TENM4: variants seen among roughly 807,000 people sequenced by gnomAD.
TENM4 encodes teneurin-4.
Under a neutral mutation model 243.3 loss-of-function variants are expected in TENM4, and 82 were observed. That is an observed-to-expected ratio of 0.34 (90% CI 0.28 to 0.40). The LOEUF (loss-of-function observed/expected upper bound fraction) is 0.40, where lower values mean the gene tolerates loss of function less well. Among genes scored for constraint, TENM4 ranks in the 10% least tolerant of loss-of-function variants. TENM4 has a pLI of 1.00. For missense variants in TENM4, 3,138 were observed against 3,673.3 expected, an observed-to-expected ratio of 0.85 and a Z score of 3.77; for synonymous variants, 1,412 against 1,456.3, an observed-to-expected ratio of 0.97 and a Z score of 0.69.
chr11:79,219,379 G>A (rs1383500516), intron 2 of TENM4, among the ~76,000 whole-genome samples: 2 of 152,194 alleles, frequency 1.3e-5, no homozygotes, highest in African/African-American at 4.8e-5. Flanking sequence ...GCAGAGATGT[G>A]ACATAATTGG....
intron 6 of TENM4, among the ~76,000 whole-genome samples, chr11:79,043,092 AG>A (rs1159012034): frequency 6.6e-6 from 1 of 152,220 alleles, no homozygotes; most frequent in African/African-American, 2.4e-5. Flanking sequence ...GGGATATTCC[AG>A]TAAATGGCTC....
intron 29 of TENM4, among the ~76,000 whole-genome samples, chr11:78,678,019 C>T (rs370745401): frequency 1.9e-4 from 16 of 84,700 alleles, no homozygotes; most frequent in East Asian, 1.7e-3. Context: ...TGAGAATATG[C>T]GGTGTTTGGT....
chr11:79,296,445 G>A (rs1301369655), intron 2 of TENM4, among the ~76,000 whole-genome samples: 2 of 152,142 alleles, frequency 1.3e-5, no homozygotes, highest in African/African-American at 4.8e-5. Flanking sequence ...AGCTTACTGC[G>A]AGCTCACAGC....
intron 3 of TENM4, among the ~76,000 whole-genome samples, chr11:79,214,712 T>C (rs1489929595): frequency 1.3e-5 from 2 of 152,182 alleles, no homozygotes; most frequent in South Asian, 2.1e-4. Context: ...TTCTGGCCAA[T>C]GGGTGGTGTG....
chr11:78,686,030 G>A (rs139793445), intron 29 of TENM4, among the ~76,000 whole-genome samples: 2,385 of 152,262 alleles, frequency 0.016, 62 homozygotes, highest in Admixed American at 0.051. Flanking sequence ...ACCTTCTCCT[G>A]CCCTCCTCTC....
chr11:78,726,340 T>A, intron 22 of TENM4, 118 bp from the exon 23 acceptor site: 1 of 1,261,338 alleles, frequency 7.9e-7, no homozygotes, highest in Non-Finnish European at 1.1e-6. Flanking sequence ...AGGGTCATAT[T>A]TCTAAGTGGC....
intron 2 of TENM4, among the ~76,000 whole-genome samples, chr11:79,291,760 G>A (rs1255430757): frequency 6.6e-6 from 1 of 152,172 alleles, no homozygotes; most frequent in Non-Finnish European, 1.5e-5. Flanking sequence ...CCAAAGACAA[G>A]TCCATGAAGG....
At chr11:79,138,440 T>C (rs1183767611) in intron 4 of TENM4, among the ~76,000 whole-genome samples, 1 of 113,874 alleles carries the variant, frequency 8.8e-6, no homozygotes, top group African/African-American at 3.7e-5. Context: ...TAAATATATA[T>C]TATATTTATA....
At position 78,712,523 on chromosome 11, in the gene TENM4, T is replaced by C. The variant is rs1299976423; in HGVS notation, c.4013A>G (p.Asp1338Gly). 1 of 1,613,842 alleles carries C rather than the reference T, an allele frequency of 6.2e-7. No homozygotes were observed. Among genetic ancestry groups the C allele is most frequent in the Non-Finnish European group, 8.5e-7 (1 of 1,179,880 alleles). Residue 1338 changes from aspartate to glycine, a missense_variant, in exon 26 of 34, where the codon GAT (aspartate) becomes GGT (glycine). Coordinates refer to ENST00000278550, the MANE Select transcript of TENM4 (RefSeq NM_001098816.3). The part of the protein sequence containing the change: ...CLPFDDTRCG[D>G]GGKATEATLT... ...TGTGGCTTCTGTGGCCTTCCCACCA[T>C]CCCCGCAGCGAGTGTCATCAAAGGG...
intron 10 of TENM4, among the ~76,000 whole-genome samples, chr11:78,862,512 C>T (rs1001489494): frequency 4.6e-5 from 7 of 152,128 alleles, no homozygotes; most frequent in Non-Finnish European, 5.9e-5. Context: ...TAGTAAATGA[C>T]AGACCACTTA....
chr11:79,306,541 G>A (rs546630091), intron 1 of TENM4, among the ~76,000 whole-genome samples: 19 of 152,278 alleles, frequency 1.2e-4, no homozygotes, highest in African/African-American at 3.4e-4. Flanking sequence ...GGCTGAGGTC[G>A]TGCTGGGAAG....
rs113106882 is a variant in TENM4, at chr11:79,064,408, T to C, written c.493+330A>G. On this transcript the variant is annotated intron_variant, in intron 6 of 33. Coordinates refer to ENST00000278550, the MANE Select transcript of TENM4 (RefSeq NM_001098816.3). Reference sequence around the variant, plus strand: ...TCAGGCAGGACCAGGCCTTGCTGATTTGATGGAGGATAAACTATGGGGAAT... The same window carrying C: ...TCAGGCAGGACCAGGCCTTGCTGATCTGATGGAGGATAAACTATGGGGAAT... Among the ~76,000 whole-genome samples, 604 of 152,226 alleles carry C rather than the reference T, an allele frequency of 4.0e-3. 5 individuals carry two copies. The highest frequency in any genetic ancestry group is 0.014 in the African/African-American group (582 of 41,520).
intron 2 of TENM4, among the ~76,000 whole-genome samples, chr11:79,228,515 T>C (rs898297860): frequency 6.6e-6 from 1 of 151,912 alleles, no homozygotes; most frequent in Non-Finnish European, 1.5e-5. Flanking sequence ...CACCTCGCCA[T>C]CCCCACCCAC....
At chr11:78,915,030 A>AC (rs1180790793) in intron 6 of TENM4, among the ~76,000 whole-genome samples, 4 of 151,688 alleles carry the variant, frequency 2.6e-5, no homozygotes, top group African/African-American at 7.3e-5. Flanking sequence ...ACAGTACGAG[A>AC]CCCCCCACCA....
intron 1 of TENM4, among the ~76,000 whole-genome samples, chr11:79,377,620 C>T (rs1262248716): frequency 1.3e-5 from 2 of 152,224 alleles, no homozygotes; most frequent in Non-Finnish European, 2.9e-5. Flanking sequence ...ATGTAAATTA[C>T]TTCTGTTCTC....
At chr11:79,138,312 T>C (rs1194263843) in intron 4 of TENM4, among the ~76,000 whole-genome samples, 1 of 80,254 alleles carries the variant, frequency 1.2e-5, no homozygotes, top group East Asian at 2.4e-4. Context: ...AACTCCCCTT[T>C]ATATATATAT....
At chr11:78,708,964 TC>T (rs1859329996) in intron 26 of TENM4, among the ~76,000 whole-genome samples, 2 of 123,524 alleles carry the variant, frequency 1.6e-5, no homozygotes, top group East Asian at 4.0e-4. Context: ...TCTTTCTTTT[TC>T]TTTCTTTTTT....
rs117718023 is a variant in TENM4, at chr11:78,889,565, A to G, written c.1084+220T>C. On this transcript the variant is annotated intron_variant, in intron 9 of 33. Transcript: ENST00000278550. Reference sequence around the variant, plus strand: ...GGACAGATGCCCAGCTTCCTTCCTGATATAAGTGCAGAGGGATGGAGAGGA... The same window carrying G: ...GGACAGATGCCCAGCTTCCTTCCTGGTATAAGTGCAGAGGGATGGAGAGGA... 1.6e-4 allele frequency among the ~76,000 whole-genome samples: 24 copies of G among 152,278 alleles called. No individual in the cohort carries two copies. In the East Asian group the frequency reaches 4.6e-3, roughly 29 times the overall value.
intron 4 of TENM4, among the ~76,000 whole-genome samples, chr11:79,142,448 A>G (rs751244259): frequency 6.6e-6 from 1 of 152,104 alleles, no homozygotes; most frequent in Non-Finnish European, 1.5e-5. Context: ...GATCTCTACA[A>G]TGAAAACTGT....
Sources: allele counts gnomAD v4.1 joint callset (sites outside exome capture counted in the v4.1 genomes callset), GRCh38; gene constraint gnomAD v4.1.1; transcripts MANE v1.5; gene names NCBI Gene and HGNC (gene_info 2026-07-23, HGNC 2026-07-21).